TOPAZ1: variants seen among roughly 807,000 people sequenced by gnomAD.
TOPAZ1 encodes the protein testis and ovary specific TOPAZ 1, also known as protein TOPAZ1.
Under a neutral mutation model 172.2 loss-of-function variants are expected in TOPAZ1, and 66 were observed. The observed-to-expected ratio is 0.38, with a 90% CI of 0.31 to 0.47. The LOEUF (loss-of-function observed/expected upper bound fraction) is 0.47. TOPAZ1 is among the 20% of genes least tolerant of loss of function. The pLI is 0.99. For missense variants in TOPAZ1, 1,822 were observed against 1,972.4 expected (o/e 0.92, Z 1.44); for synonymous variants, 681 against 683.9 (o/e 1.00, Z 0.07).
At chr3:44,312,132 G>A (rs1321537379) in intron 16 of TOPAZ1, among the ~76,000 whole-genome samples, 1 of 151,650 alleles carries the variant, frequency 6.6e-6, no homozygotes, top group African/African-American at 2.4e-5. Context: ...GCTCATTAAG[G>A]GAATACCAGT....
At chr3:44,255,670 T>TACACACACAC (rs71085609) in intron 3 of TOPAZ1, among the ~76,000 whole-genome samples, 46 of 46,360 alleles carry the variant, frequency 9.9e-4, no homozygotes, top group African/African-American at 1.6e-3. Context: ...AAAATATATA[T>TACACACACAC]ACACACACAC....
chr3:44,267,620 G>A (rs1031247148), intron 6 of TOPAZ1, among the ~76,000 whole-genome samples: 15 of 152,064 alleles, frequency 9.9e-5, no homozygotes, highest in South Asian at 2.1e-4. Flanking sequence ...ATGGAACAAC[G>A]TGTGAAATAT....
rs187100747 is a variant in TOPAZ1, at chr3:44,286,037, C to T, written c.3437-1352C>T. Among the ~76,000 whole-genome samples, 403 of 131,060 alleles carry T rather than the reference C, an allele frequency of 3.1e-3. 4 individuals carry two copies. Among genetic ancestry groups the T allele is most frequent in the Non-Finnish European group, 5.4e-3 (338 of 62,294 alleles). The allele number at this position is 131,060 out of a possible 152,430, so 86.0% of individuals were successfully genotyped here. On this transcript the variant is annotated intron_variant, in intron 9 of 19. Coordinates refer to ENST00000309765, the MANE Select transcript of TOPAZ1 (RefSeq NM_001145030.2). ...CAGCCTGGCCCACATGGTGAAACGC[C>T]GTCTCTACTAAAAATGCAAAAAAAA...
chr3:44,245,088 T>C lies in TOPAZ1; in HGVS notation c.2582T>C (p.Val861Ala), dbSNP rs771851044. 51 of 1,551,718 alleles carry C rather than the reference T, an allele frequency of 3.3e-5. No homozygotes were observed. Among genetic ancestry groups the C allele is most frequent in the Non-Finnish European group, 4.4e-5 (51 of 1,147,016 alleles). Residue 861 changes from valine (V) to alanine (A), a missense_variant, in exon 2 of 20, where the codon GTC becomes GCC. Around this residue, in one of 2 missense-constraint regions of TOPAZ1, gnomAD observed 1,489 missense variants for 1,490.8 expected, o/e 1.00. Coordinates refer to ENST00000309765, the MANE Select transcript of TOPAZ1 (RefSeq NM_001145030.2). Reference sequence around the variant, plus strand: ...ATTCTTAAAGCATATGAAGATGACGTCCTCTTAATTGATGTAATTCAAGAT... The same window carrying C: ...ATTCTTAAAGCATATGAAGATGACGCCCTCTTAATTGATGTAATTCAAGAT... The part of the protein sequence containing the change: ...PDILKAYEDD[V>A]LLIDVIQDDP...
chr3:44,314,088 T>C (rs944210503), intron 16 of TOPAZ1, among the ~76,000 whole-genome samples: 9 of 152,092 alleles, frequency 5.9e-5, no homozygotes, highest in African/African-American at 2.2e-4. Context: ...CACCCACGCC[T>C]GGCTAATATT....
intron 18 of TOPAZ1, among the ~76,000 whole-genome samples, chr3:44,327,711 T>A (rs1346585747): frequency 6.6e-6 from 1 of 152,154 alleles, no homozygotes; most frequent in African/African-American, 2.4e-5. Context: ...AAGTCATTTT[T>A]CAGAGTGTTT....
At chr3:44,285,890 C>T (rs888380092) in intron 9 of TOPAZ1, among the ~76,000 whole-genome samples, 5 of 151,462 alleles carry the variant, frequency 3.3e-5, no homozygotes, top group Non-Finnish European at 5.9e-5. Flanking sequence ...ATTTTCAATG[C>T]AGATAATATA....
chr3:44,300,851 G>GA (rs1385775212), intron 12 of TOPAZ1, among the ~76,000 whole-genome samples: 1,333 of 128,336 alleles, frequency 0.01, 11 homozygotes, highest in African/African-American at 0.024. Flanking sequence ...ACCAGAAACT[G>GA]GAAAAAAAAA....
chr3:44,260,288 T>C (rs368659480), intron 4 of TOPAZ1, among the ~76,000 whole-genome samples: 1 of 152,226 alleles, frequency 6.6e-6, no homozygotes, highest in South Asian at 2.1e-4. Context: ...TTTTTACTTG[T>C]AGGAACTTTT....
intron 18 of TOPAZ1, among the ~76,000 whole-genome samples, chr3:44,327,995 CA>C (rs1308070373): frequency 6.6e-6 from 1 of 152,190 alleles, no homozygotes; most frequent in African/African-American, 2.4e-5. Flanking sequence ...CCACCCGCCT[CA>C]GCCTCCCAAA....
downstream of TOPAZ1, among the ~76,000 whole-genome samples, chr3:44,333,620 G>A (rs934127413): frequency 2.6e-5 from 4 of 152,128 alleles, no homozygotes; most frequent in Admixed American, 6.5e-5. Context: ...TGGATGGAAT[G>A]GTTTACAAGT....
chr3:44,258,832 G>A (rs573666676), intron 4 of TOPAZ1, among the ~76,000 whole-genome samples: 1 of 152,262 alleles, frequency 6.6e-6, no homozygotes, highest in Admixed American at 6.5e-5. Context: ...TGGGATAAAT[G>A]GGCTGTTAAC....
At chr3:44,313,322 C>T (rs762637297) in intron 16 of TOPAZ1, among the ~76,000 whole-genome samples, 50 of 152,016 alleles carry the variant, frequency 3.3e-4, no homozygotes, top group Non-Finnish European at 6.3e-4. Flanking sequence ...TATTAGAAAG[C>T]TCCCCCGGGC....
intron 6 of TOPAZ1, 96 bp from the exon 7 acceptor site, chr3:44,269,120 A>G: frequency 1.3e-6 from 1 of 741,328 alleles, no homozygotes; most frequent in Non-Finnish European, 2.3e-6. Context: ...TCAAAGTGAA[A>G]CTTTAAAGCA....
At chr3:44,258,518 A>G (rs1699740537) in intron 4 of TOPAZ1, among the ~76,000 whole-genome samples, 1 of 151,990 alleles carries the variant, frequency 6.6e-6, no homozygotes, top group African/African-American at 2.4e-5. Flanking sequence ...TCTATAATTC[A>G]GTCATTTCAA....
At chr3:44,319,924 A>G (rs1307448954) in intron 16 of TOPAZ1, among the ~76,000 whole-genome samples, 1 of 152,228 alleles carries the variant, frequency 6.6e-6, no homozygotes, top group Non-Finnish European at 1.5e-5. Flanking sequence ...CATTTAGTTC[A>G]GTTGAAAAAG....
intron 8 of TOPAZ1, among the ~76,000 whole-genome samples, chr3:44,276,624 C>CTTTTTT (rs762865769): frequency 0.031 from 753 of 24,102 alleles, 170 homozygotes; most frequent in Non-Finnish European, 0.039. Context: ...CAGCTTTGTT[C>CTTTTTT]TTTTTTTTTT....
chr3:44,261,662 T>G (rs1699777004), intron 4 of TOPAZ1, among the ~76,000 whole-genome samples: 2 of 152,214 alleles, frequency 1.3e-5, no homozygotes, highest in Admixed American at 6.5e-5. Flanking sequence ...TCATATGAAT[T>G]TTAAAATAGT....
At chr3:44,291,308 T>TAA (rs11459668) in intron 12 of TOPAZ1, among the ~76,000 whole-genome samples, 17 of 142,654 alleles carry the variant, frequency 1.2e-4, no homozygotes, top group African/African-American at 2.0e-4. Flanking sequence ...CAAAGACCTT[T>TAA]AAAAAAAAAA....
Sources: gnomAD v4.1 joint callset for allele counts (sites outside exome capture counted in the v4.1 genomes callset) on GRCh38, gnomAD v4.1.1 for gene constraint, gnomAD v4.1.1 regional missense constraint, MANE v1.5 for transcripts, NCBI Gene and HGNC (gene_info 2026-07-23, HGNC 2026-07-21) for gene names.